ZNF385B: variants seen among roughly 807,000 people sequenced by gnomAD.
ZNF385B encodes the protein zinc finger protein 385B, also known as zinc finger protein 533.
ZNF385B carries 23 observed loss-of-function variants against 39.2 expected under a neutral mutation model. The ratio of observed to expected loss-of-function variants is 0.59; its 90% CI spans 0.42 to 0.83. The LOEUF is 0.83. ZNF385B is among the 40% of genes least tolerant of loss of function. ZNF385B has a pLI of 0.00. For missense variants in ZNF385B, 552 were observed against 598.9 expected, an observed-to-expected ratio of 0.92 and a Z score of 0.82; for synonymous variants, 205 against 222.6, an observed-to-expected ratio of 0.92 and a Z score of 0.70.
chr2:179,609,972 G>T (rs552179322), intron 3 of ZNF385B, among the ~76,000 whole-genome samples: 1 of 152,278 alleles, frequency 6.6e-6, no homozygotes, highest in South Asian at 2.1e-4. Context: ...TCCCATGTCA[G>T]ATGGATACTT....
intron 4 of ZNF385B, among the ~76,000 whole-genome samples, chr2:179,527,529 T>TC (rs1340849105): frequency 7.7e-5 from 2 of 25,952 alleles, no homozygotes; most frequent in Non-Finnish European, 1.8e-4. Flanking sequence ...TTTCTGGTCA[T>TC]TTTTTTTTTT....
At chr2:179,761,756 C>CTTTTTTTTTTT (rs1420842226) in intron 3 of ZNF385B, among the ~76,000 whole-genome samples, 158 of 109,432 alleles carry the variant, frequency 1.4e-3, no homozygotes, top group Middle Eastern at 4.6e-3. Flanking sequence ...CATTTTTTTT[C>CTTTTTTTTTTT]TTTTCTTTTT....
At chr2:179,657,682 C>A (rs1039634535) in intron 3 of ZNF385B, among the ~76,000 whole-genome samples, 1 of 152,036 alleles carries the variant, frequency 6.6e-6, no homozygotes, top group Non-Finnish European at 1.5e-5. Flanking sequence ...TGTTGTGAAT[C>A]CAAATAGAAA....
At chr2:179,521,188 G>T (rs970483202) in intron 4 of ZNF385B, among the ~76,000 whole-genome samples, 11 of 150,298 alleles carry the variant, frequency 7.3e-5, no homozygotes, top group African/African-American at 2.7e-4. Flanking sequence ...TTTTGTTTTT[G>T]TTTTTGTTTT....
At chr2:179,828,358 AT>A in intron 1 of ZNF385B, among the ~76,000 whole-genome samples, 1 of 152,210 alleles carries the variant, frequency 6.6e-6, no homozygotes, top group Non-Finnish European at 1.5e-5. Context: ...CCAAATGCTA[AT>A]CATTAAATTG....
At chr2:179,772,933 C>T (rs1704096131) in intron 1 of ZNF385B, among the ~76,000 whole-genome samples, 1 of 152,116 alleles carries the variant, frequency 6.6e-6, no homozygotes, top group African/African-American at 2.4e-5. Flanking sequence ...AGATGACCAA[C>T]AACTTAACAT....
chr2:179,632,879 T>C (rs538609384), intron 3 of ZNF385B, among the ~76,000 whole-genome samples: 3 of 152,226 alleles, frequency 2.0e-5, no homozygotes, highest in Non-Finnish European at 4.4e-5. Flanking sequence ...ATATCACCAC[T>C]GATCCCACAG....
chr2:179,674,328 G>A (rs984797797), intron 3 of ZNF385B, among the ~76,000 whole-genome samples: 19 of 152,132 alleles, frequency 1.2e-4, no homozygotes, highest in African/African-American at 3.6e-4. Context: ...GAGCAACTAT[G>A]ACGTATTTTT....
intron 3 of ZNF385B, among the ~76,000 whole-genome samples, chr2:179,569,385 C>A (rs1442449291): frequency 6.6e-6 from 1 of 152,122 alleles, no homozygotes; most frequent in Non-Finnish European, 1.5e-5. Context: ...CTGATTACCG[C>A]CAAATAAAGC....
At chr2:179,460,481 G>A (rs1273401649) in intron 6 of ZNF385B, among the ~76,000 whole-genome samples, 1 of 152,148 alleles carries the variant, frequency 6.6e-6, no homozygotes, top group Non-Finnish European at 1.5e-5. Context: ...CCTGAATTCT[G>A]CTAAGATATA....
chr2:179,821,799 C>A (rs762232722), intron 1 of ZNF385B, among the ~76,000 whole-genome samples: 1 of 151,960 alleles, frequency 6.6e-6, no homozygotes. Flanking sequence ...CCAAGGAAAA[C>A]ATCATCTCTT....
intron 3 of ZNF385B, among the ~76,000 whole-genome samples, chr2:179,563,808 TC>T (rs1025487283): frequency 6.6e-6 from 1 of 152,080 alleles, no homozygotes; most frequent in African/African-American, 2.4e-5. Context: ...CAAAAAAAAG[TC>T]TTCATCTATG....
intron 1 of ZNF385B, among the ~76,000 whole-genome samples, chr2:179,804,257 C>T (rs1300985150): frequency 6.6e-6 from 1 of 151,714 alleles, no homozygotes; most frequent in Non-Finnish European, 1.5e-5. Context: ...GACCTCTTCA[C>T]TTGACCTACA....
At chr2:179,490,346 T>C (rs2055084445) in intron 5 of ZNF385B, among the ~76,000 whole-genome samples, 1 of 151,892 alleles carries the variant, frequency 6.6e-6, no homozygotes, top group Admixed American at 6.6e-5. Context: ...CACATATATA[T>C]GTTCAATCAC....
rs918093252 is a variant in ZNF385B at position 179,808,134 on chromosome 2, G to A, written c.-154-37462C>T. ...TGCAAGCTCCGCCTCCCAGGTTCAC[G>A]CCATTCTCCTGCCTTAGCCTCCCCA... On this transcript the variant is annotated intron_variant, in intron 1 of 9. Transcript: ENST00000410066. 3.3e-5 allele frequency among the ~76,000 whole-genome samples: 5 copies of A among 151,878 alleles called. No homozygotes were observed. In the East Asian group the frequency reaches 5.9e-4, roughly 18 times the overall value.
At chr2:179,584,456 A>T (rs1259207385) in intron 3 of ZNF385B, among the ~76,000 whole-genome samples, 1 of 152,202 alleles carries the variant, frequency 6.6e-6, no homozygotes, top group East Asian at 1.9e-4. Flanking sequence ...GAAGGAGGCA[A>T]CACCTTCACA....
intron 3 of ZNF385B, among the ~76,000 whole-genome samples, chr2:179,753,330 G>T (rs1207661020): frequency 1.3e-5 from 2 of 152,194 alleles, no homozygotes; most frequent in Non-Finnish European, 2.9e-5. Context: ...ATGCTGTTTT[G>T]GTTACTGTGG....
chr2:179,684,963 G>GT (rs1446978337), intron 3 of ZNF385B, among the ~76,000 whole-genome samples: 2 of 152,140 alleles, frequency 1.3e-5, no homozygotes, highest in African/African-American at 4.8e-5. Flanking sequence ...AAATAATTAT[G>GT]TCTTAACGTT....
At chr2:179,775,351 C>G (rs1056022289) in intron 1 of ZNF385B, among the ~76,000 whole-genome samples, 1 of 152,158 alleles carries the variant, frequency 6.6e-6, no homozygotes, top group Admixed American at 6.5e-5. Context: ...TTGTAATAAA[C>G]CAGAAGAGGC....
Sources: allele counts gnomAD v4.1 joint callset (sites outside exome capture counted in the v4.1 genomes callset), GRCh38; gene constraint gnomAD v4.1.1; transcripts MANE v1.5; gene names NCBI Gene and HGNC (gene_info 2026-07-23, HGNC 2026-07-21).